FIBCD1: variants seen among roughly 807,000 people sequenced by gnomAD.
FIBCD1 encodes fibrinogen C domain containing 1.
FIBCD1 carries 47 observed loss-of-function variants against 45.1 expected under a neutral mutation model. That is an observed-to-expected ratio of 1.04 (90% CI 0.82 to 1.33). FIBCD1 has a LOEUF of 1.33. Ranked by LOEUF, FIBCD1 falls within the 40% of genes most tolerant of loss-of-function variation. The pLI, the probability that FIBCD1 is intolerant of heterozygous loss-of-function variation, is 0.00. For synonymous variants in FIBCD1, 313 were observed against 308.1 expected (o/e 1.02, Z -0.17); for missense variants, 653 against 682.2 (o/e 0.96, Z 0.48).
chr9:130,914,118 TCAG>T (rs569088933), intron 4 of FIBCD1, among the ~76,000 whole-genome samples: 246 of 150,962 alleles, frequency 1.6e-3, no homozygotes, highest in African/African-American at 5.7e-3. Flanking sequence ...TAGTAGGTGT[TCAG>T]CAAGTGCCAG....
chr9:130,911,672 G>C (rs1163214377), intron 5 of FIBCD1, 120 bp downstream of exon 5: 1 of 794,200 alleles, frequency 1.3e-6, no homozygotes, highest in African/African-American at 1.7e-5. Context: ...AGCTGGCTCA[G>C]GTGTGCCGAG....
At chr9:130,907,697 A>C (rs980832452) in intron 5 of FIBCD1, among the ~76,000 whole-genome samples, 4 of 152,186 alleles carry the variant, frequency 2.6e-5, no homozygotes, top group Admixed American at 6.5e-5. Context: ...CAGGAGTTCG[A>C]GACCAGCCTA....
intron 1 of FIBCD1, among the ~76,000 whole-genome samples, chr9:130,930,354 GCAGGGAGACA>G (rs1457525745): frequency 3.3e-5 from 5 of 150,236 alleles, no homozygotes; most frequent in Non-Finnish European, 5.9e-5. Flanking sequence ...GCAGGGAGAT[GCAGGGAGACA>G]CAGGGAGACG....
chr9:130,911,886 C>T lies in FIBCD1; in HGVS notation c.852G>A (p.Val284=), dbSNP rs779807050. The stretch of plus-strand genomic sequence containing the variant: ...CGGAGCCGTCCTCCCGGCGCTGAAA[C>T]ACCTGCAAAGGGAAGATGGGGATGG... ...DMRTDGGGWT[V]FQRREDGSVN... Residue 284 remains valine, a splice_region_variant and synonymous_variant, in exon 5 of 7, where the codon GTG becomes GTA. Coordinates refer to ENST00000372338, the MANE Select transcript of FIBCD1 (RefSeq NM_032843.5). The T allele has an allele frequency of 1.3e-5, 21 of 1,573,978 alleles. No homozygotes were observed. The highest frequency in any genetic ancestry group is 1.8e-5 in the Admixed American group (1 of 54,388).
chr9:130,917,841 C>T (rs1005637951), intron 4 of FIBCD1, among the ~76,000 whole-genome samples: 11 of 152,146 alleles, frequency 7.2e-5, no homozygotes, highest in African/African-American at 2.7e-4. Context: ...GTGCGCAGGG[C>T]TGAGATGGCC....
At chr9:130,930,768 C>T (rs1461644950) in intron 1 of FIBCD1, 1 of 456,064 alleles carries the variant, frequency 2.2e-6, no homozygotes, top group Admixed American at 2.3e-5. Flanking sequence ...GGCCAGGGGC[C>T]TCACCTCTCT....
At chr9:130,918,899 A>G (rs1805642416) in intron 4 of FIBCD1, among the ~76,000 whole-genome samples, 2 of 152,200 alleles carry the variant, frequency 1.3e-5, no homozygotes, top group South Asian at 4.1e-4. Flanking sequence ...AGAGGCAATC[A>G]AGTCAATGCG....
At chr9:130,904,744 TG>T (rs1362159005) in intron 6 of FIBCD1, among the ~76,000 whole-genome samples, 2 of 152,168 alleles carry the variant, frequency 1.3e-5, no homozygotes, top group African/African-American at 4.8e-5. Flanking sequence ...TTTCTTTATC[TG>T]CAAAACGGGA....
At chr9:130,923,039 C>T (rs1832289189) in intron 4 of FIBCD1, among the ~76,000 whole-genome samples, 1 of 152,202 alleles carries the variant, frequency 6.6e-6, no homozygotes, top group South Asian at 2.1e-4. Flanking sequence ...TTCTCCATCT[C>T]TGTGCTTCCC....
intron 4 of FIBCD1, among the ~76,000 whole-genome samples, chr9:130,919,689 G>A (rs1227727733): frequency 2.6e-5 from 4 of 152,202 alleles, no homozygotes; most frequent in South Asian, 2.1e-4. Flanking sequence ...GGCTGACCTC[G>A]CACAAAGGAA....
chr9:130,910,786 A>G (rs952561528), intron 5 of FIBCD1, among the ~76,000 whole-genome samples: 1 of 151,414 alleles, frequency 6.6e-6, no homozygotes, highest in Non-Finnish European at 1.5e-5. Context: ...TGTCTAGCTC[A>G]GGGATTGTAA....
intron 2 of FIBCD1, among the ~76,000 whole-genome samples, chr9:130,927,255 A>G (rs1832377009): frequency 6.6e-6 from 1 of 151,534 alleles, no homozygotes; most frequent in African/African-American, 2.4e-5. Flanking sequence ...AAAAAAAAAG[A>G]AAAAAGAAAA....
chr9:130,925,621 C>T (rs9695752), intron 2 of FIBCD1, among the ~76,000 whole-genome samples: 19 of 152,208 alleles, frequency 1.2e-4, no homozygotes, highest in Non-Finnish European at 2.4e-4. Flanking sequence ...TTCACCCCCG[C>T]CCCTCCCTCC....
rs141546292 is a variant in FIBCD1, at chr9:130,936,688, G to A, written c.72+1848C>T. Among the ~76,000 whole-genome samples the A allele has an allele frequency of 3.1e-3, 471 of 152,368 alleles. 6 individuals are homozygous for A. The Middle Eastern group carries it at 0.051, about 17-fold the overall frequency. On this transcript the variant is annotated intron_variant, in intron 1 of 6. Transcript: ENST00000372338. ...TCCTGAGGCTCTTCCTGGCCGAAGC[G>A]TCATGCAGTGCCATTCAGCAAACGC...
At chr9:130,921,899 T>C (rs2133101740) in intron 4 of FIBCD1, among the ~76,000 whole-genome samples, 1 of 152,362 alleles carries the variant, frequency 6.6e-6, no homozygotes, top group South Asian at 2.1e-4. Context: ...TGTCTGTCTT[T>C]GGGGTCTTGT....
intron 5 of FIBCD1, among the ~76,000 whole-genome samples, chr9:130,908,161 C>T (rs1247796932): frequency 3.3e-5 from 5 of 151,954 alleles, no homozygotes; most frequent in Admixed American, 2.6e-4. Context: ...GACAAATGAT[C>T]GGTAACCTTA....
At position 130,939,014 on chromosome 9, in the gene FIBCD1, C is replaced by T. The variant is rs1832570741; in HGVS notation, c.-407G>A. 6.6e-6 allele frequency: 1 copy of T among 152,148 alleles called. No homozygotes were observed. The highest frequency in any genetic ancestry group is 6.5e-5 in the Admixed American group (1 of 15,288). 9.4% of individuals were successfully genotyped at this position (152,148 alleles called of 1,614,324 possible). A position where few individuals can be genotyped will look rare whatever the true frequency, so the allele number is the denominator to read the frequency against. Reference sequence around the variant, plus strand: ...CCCGACACACTCACACACACGCGCGCGCTCACACCCGCGGACTTGGATACT... The same window carrying T: ...CCCGACACACTCACACACACGCGCGTGCTCACACCCGCGGACTTGGATACT... On this transcript the variant is annotated 5_prime_UTR_variant, in exon 1 of 7. Coordinates refer to ENST00000372338, the MANE Select transcript of FIBCD1 (RefSeq NM_032843.5).
chr9:130,932,358 G>C (rs753332233), intron 1 of FIBCD1, among the ~76,000 whole-genome samples: 1 of 152,154 alleles, frequency 6.6e-6, no homozygotes, highest in Non-Finnish European at 1.5e-5. Flanking sequence ...ATGCGGAAGA[G>C]AGTTTCTTGG....
rs369214971 is a variant in FIBCD1, at chr9:130,905,462, G to A, written c.947-49C>T. On this transcript the variant is annotated intron_variant, in intron 5 of 6. Coordinates refer to ENST00000372338, the MANE Select transcript of FIBCD1 (RefSeq NM_032843.5). ...GGAGAAGCTGAGGGGCGTAGGAAGC[G>A]ACTCCCCAGGGAGAAATGATAAATG... The A allele has an allele frequency of 4.5e-5, 70 of 1,549,798 alleles. No individual in the cohort carries two copies. The Admixed American group carries it at 5.0e-4, about 11-fold the overall frequency.
Sources: allele counts gnomAD v4.1 joint callset (sites outside exome capture counted in the v4.1 genomes callset), GRCh38; gene constraint gnomAD v4.1.1; transcripts MANE v1.5; gene names NCBI Gene and HGNC (gene_info 2026-07-23, HGNC 2026-07-21).